EEF1E1: variants seen among roughly 807,000 people sequenced by gnomAD.
EEF1E1 encodes the protein eukaryotic translation elongation factor 1 epsilon-1.
Under a neutral mutation model 19.9 loss-of-function variants are expected in EEF1E1, and 19 were observed. That is an observed-to-expected ratio of 0.95 (90% CI 0.66 to 1.40). EEF1E1 has a LOEUF of 1.40. EEF1E1 is among the 40% of genes most tolerant of loss of function. The pLI, the probability that EEF1E1 is intolerant of heterozygous loss-of-function variation, is 0.00. For missense variants in EEF1E1, 198 were observed against 202.2 expected (o/e 0.98, Z 0.13); for synonymous variants, 81 against 80.0 (o/e 1.01, Z -0.07).
intron 2 of EEF1E1, among the ~76,000 whole-genome samples, chr6:8,093,038 A>C (rs1270519692): frequency 6.6e-6 from 1 of 151,630 alleles, no homozygotes; most frequent in African/African-American, 2.4e-5. Context: ...TGACTGGCTA[A>C]TTTTTTGTAT....
intron 3 of EEF1E1, among the ~76,000 whole-genome samples, chr6:8,089,481 G>C (rs373472604): frequency 6.6e-6 from 1 of 152,186 alleles, no homozygotes; most frequent in African/African-American, 2.4e-5. Flanking sequence ...TGATGTTTGA[G>C]GGCAGAAAGC....
intron 1 of EEF1E1, 100 bp downstream of exon 1, chr6:8,102,335 T>C (rs901779124): frequency 8.9e-6 from 11 of 1,233,960 alleles, no homozygotes; most frequent in Non-Finnish European, 1.2e-5. Context: ...AGCAGCATCC[T>C]CACTCCGCCC....
chr6:8,091,089 G>A (rs1758000640), intron 2 of EEF1E1, among the ~76,000 whole-genome samples: 1 of 152,172 alleles, frequency 6.6e-6, no homozygotes, highest in Non-Finnish European at 1.5e-5. Context: ...TTAATTTCTT[G>A]AGGAAGTGCT....
chr6:8,097,295 C>G lies in EEF1E1; in HGVS notation c.260G>C (p.Ser87Thr). The G allele has an allele frequency of 6.2e-7, 1 of 1,614,190 alleles. No homozygotes were observed. Among genetic ancestry groups the G allele is most frequent in the Non-Finnish European group, 8.5e-7 (1 of 1,180,026 alleles). ...YRVTQVDGHSSKNDIHTLLKD... is the reference protein window; with the variant it reads ...YRVTQVDGHSTKNDIHTLLKD... ...CAACAGTGTGTGGATGTCATTTTTA[C>G]TGGAGTGCCCATCTACTTGAGTGAC... The change falls in exon 2 of 4, where the codon AGT becomes ACT. Residue 87 changes from serine (S) to threonine (T), a missense_variant. Transcript: ENST00000379715.
At chr6:8,085,200 G>A (rs1561882714) in intron 3 of EEF1E1, among the ~76,000 whole-genome samples, 1 of 152,140 alleles carries the variant, frequency 6.6e-6, no homozygotes, top group Non-Finnish European at 1.5e-5. Context: ...AGGCTGGAAT[G>A]CAGTGGTGCA....
intron 3 of EEF1E1, among the ~76,000 whole-genome samples, chr6:8,083,122 A>G (rs776027398): frequency 8.5e-5 from 13 of 152,172 alleles, no homozygotes; most frequent in Non-Finnish European, 1.3e-4. Flanking sequence ...TTGGCACTCT[A>G]TCATGACTTT....
chr6:8,090,089 A>C, intron 3 of EEF1E1, 97 bp downstream of exon 3: 1 of 1,029,602 alleles, frequency 9.7e-7, no homozygotes, highest in Non-Finnish European at 1.4e-6. Flanking sequence ...TTTATTTGAT[A>C]AGCCAAAAAT....
intron 3 of EEF1E1, chr6:8,089,983 A>T (rs1249913869): frequency 5.0e-6 from 2 of 403,140 alleles, no homozygotes; most frequent in Admixed American, 8.8e-5. Context: ...AGTTTTTTTA[A>T]ATTTTATTAT....
downstream of EEF1E1, among the ~76,000 whole-genome samples, chr6:8,075,477 G>C (rs1757567724): frequency 6.6e-6 from 1 of 152,124 alleles, no homozygotes. Context: ...CCATAGAAAA[G>C]TTACGTTTAT....
At chr6:8,073,628 A>G in intron 3 of EEF1E1, 2 of 1,272,110 alleles carry the variant, frequency 1.6e-6, no homozygotes, top group South Asian at 3.2e-5. Flanking sequence ...GTTTTAACAG[A>G]TATTTTAAAA....
At chr6:8,093,766 C>T (rs1223003463) in intron 2 of EEF1E1, among the ~76,000 whole-genome samples, 4 of 151,284 alleles carry the variant, frequency 2.6e-5, no homozygotes, top group Non-Finnish European at 5.9e-5. Flanking sequence ...AGTATGAAAA[C>T]GACACATTAA....
chr6:8,099,424 T>A lies in EEF1E1; in HGVS notation c.88-1957A>T, dbSNP rs144111224. ...TAGGCTATATCATATACCTACTATTTGTGAAGTAGGATAAACTATCTAGGT... is the reference window on the plus strand; with the variant it reads ...TAGGCTATATCATATACCTACTATTAGTGAAGTAGGATAAACTATCTAGGT... On this transcript the variant is annotated intron_variant, in intron 1 of 3. Transcript: ENST00000379715. 4.0e-3 allele frequency among the ~76,000 whole-genome samples: 602 copies of A among 152,296 alleles called. 6 individuals carry two copies. The highest frequency in any genetic ancestry group is 0.014 in the African/African-American group (583 of 41,560).
At chr6:8,080,494 T>C (rs747891033) in intron 3 of EEF1E1, among the ~76,000 whole-genome samples, 21 of 152,180 alleles carry the variant, frequency 1.4e-4, no homozygotes, top group Non-Finnish European at 2.4e-4. Flanking sequence ...GCTGAGTAAA[T>C]GCATGAGAAC....
In EEF1E1 at chr6:8,099,780, ACACACAC is replaced by A. The variant is rs1441741411; in HGVS notation, c.88-2320_88-2314del. ...CACACACACACACACACACACACAC[ACACACAC>A]ACACAAAAAAAAAACAGAACCCTCT... On this transcript the variant is annotated intron_variant, in intron 1 of 3. Transcript: ENST00000379715. Among the ~76,000 whole-genome samples, 29 of 124,990 alleles carry A rather than the reference ACACACAC, an allele frequency of 2.3e-4. 1 individual carries two copies. Among genetic ancestry groups the A allele is most frequent in the South Asian group, 5.1e-4 (2 of 3,932 alleles). 82.0% of individuals were successfully genotyped at this position (124,990 alleles called of 152,430 possible).
At chr6:8,092,370 A>C (rs1223780275) in intron 2 of EEF1E1, among the ~76,000 whole-genome samples, 1 of 152,234 alleles carries the variant, frequency 6.6e-6, no homozygotes, top group African/African-American at 2.4e-5. Context: ...AAACAAAGTT[A>C]ACATGATACA....
intron 2 of EEF1E1, 94 bp from the exon 3 acceptor site, chr6:8,090,375 G>T: frequency 1.1e-6 from 1 of 900,696 alleles, no homozygotes. Context: ...TAGGCTACTA[G>T]AAAACAAAAT....
chr6:8,086,613 T>C (rs575929625), intron 3 of EEF1E1, among the ~76,000 whole-genome samples: 3 of 152,308 alleles, frequency 2.0e-5, no homozygotes, highest in African/African-American at 4.8e-5. Context: ...ATCTGAAAGT[T>C]TGGCCCTTCC....
chr6:8,101,638 G>C (rs1327887463), intron 1 of EEF1E1: 2 of 751,314 alleles, frequency 2.7e-6, no homozygotes, highest in East Asian at 8.5e-5. Context: ...AATCTCAAAG[G>C]AGCAAAAAAA....
intron 2 of EEF1E1, among the ~76,000 whole-genome samples, chr6:8,091,650 C>A (rs1758013549): frequency 6.6e-6 from 1 of 152,120 alleles, no homozygotes. Flanking sequence ...AAAATTAACA[C>A]TTAATTTAGC....
Sources: gnomAD v4.1 joint callset for allele counts (sites outside exome capture counted in the v4.1 genomes callset) on GRCh38, gnomAD v4.1.1 for gene constraint, MANE v1.5 for transcripts, NCBI Gene and HGNC (gene_info 2026-07-23, HGNC 2026-07-21) for gene names.